The following PC variants were observed in gnomAD, a reference collection of about 807,000 sequenced individuals.
PC encodes the protein pyruvate carboxylase, also known as pyruvate carboxylase, mitochondrial.
Under a neutral mutation model 107.8 loss-of-function variants are expected in PC, and 46 were observed. That is an observed-to-expected ratio of 0.43 (90% CI 0.34 to 0.55). The LOEUF (loss-of-function observed/expected upper bound fraction) is 0.55. PC is among the 20% of genes least tolerant of loss of function. The probability of loss-of-function intolerance (pLI) is 0.04; values close to 1 mark genes in which losing one functional copy is unlikely to be tolerated. For synonymous variants in PC, 662 were observed against 684.7 expected, an observed-to-expected ratio of 0.97 and a Z score of 0.52; for missense variants, 1,241 against 1,643.1, an observed-to-expected ratio of 0.76 and a Z score of 4.23.
At chr11:66,924,391 T>C (rs1948667115) in intron 3 of PC, among the ~76,000 whole-genome samples, 1 of 63,432 alleles carries the variant, frequency 1.6e-5, no homozygotes, top group Admixed American at 1.4e-4. Context: ...AAAAAAAAAT[T>C]AGCTAGGCAT....
Position 66,858,984 on chromosome 11 carries a change from G to A in PC, c.1368+4790C>T. 1 of 1,563,844 alleles carries A rather than the reference G, an allele frequency of 6.4e-7. No individual in the cohort carries two copies. Among genetic ancestry groups the A allele is most frequent in the Non-Finnish European group, 8.7e-7 (1 of 1,151,104 alleles). On this transcript the variant is annotated intron_variant, in intron 12 of 22. Transcript: ENST00000393960. This position sits in a 1 kb window ranked among gnomAD's most constrained non-coding sequence, Gnocchi z 5.9. The stretch of plus-strand genomic sequence containing the variant: ...TGAGCCAGCCGTGCAGGTGACGGAG[G>A]TGACCGCCACCTCAGGGCTGGTGAG...
At chr11:66,924,894 G>C (rs924667773) in intron 3 of PC, among the ~76,000 whole-genome samples, 8 of 152,122 alleles carry the variant, frequency 5.3e-5, no homozygotes, top group Non-Finnish European at 1.0e-4. Flanking sequence ...CTAAGTGTCA[G>C]CCAGTCTGAG....
chr11:66,951,930 G>A (rs1467244501), intron 3 of PC, among the ~76,000 whole-genome samples: 1 of 152,006 alleles, frequency 6.6e-6, no homozygotes, highest in East Asian at 1.9e-4. Flanking sequence ...AGGTGTGGTG[G>A]CACATGCCTG....
chr11:66,888,094 C>T (rs1565263321), intron 3 of PC, among the ~76,000 whole-genome samples: 1 of 152,218 alleles, frequency 6.6e-6, no homozygotes, highest in Non-Finnish European at 1.5e-5. Flanking sequence ...CTTTCCAGGT[C>T]AGAATCCTTC....
Position 66,864,238 on chromosome 11 carries a change from AG to A in PC, c.1186-283del, listed in dbSNP as rs1474832456. 3.3e-5 allele frequency among the ~76,000 whole-genome samples: 5 copies of A among 152,260 alleles called. No homozygotes were observed. In the East Asian group the frequency reaches 9.7e-4, roughly 29 times the overall value. On this transcript the variant is annotated intron_variant, in intron 11 of 22. Transcript: ENST00000393960. ...GGGAATGCCTGCCGCAGAGCGGGAG[AG>A]GGGCCCGGGCAGGCAGGGGCCAGCC...
intron 3 of PC, among the ~76,000 whole-genome samples, chr11:66,877,381 A>G (rs919010702): frequency 1.3e-5 from 2 of 152,084 alleles, no homozygotes; most frequent in Non-Finnish European, 2.9e-5. Flanking sequence ...GCGAGACTCC[A>G]TCTCAAAAAC....
intron 3 of PC, among the ~76,000 whole-genome samples, chr11:66,941,195 A>G (rs1270162396): frequency 6.6e-6 from 1 of 152,150 alleles, no homozygotes; most frequent in Non-Finnish European, 1.5e-5. Flanking sequence ...TCAAAACAAC[A>G]AAGTGTTGGT....
chr11:66,922,164 G>A (rs1196391663), intron 3 of PC, among the ~76,000 whole-genome samples: 1 of 152,120 alleles, frequency 6.6e-6, no homozygotes. Flanking sequence ...AATCTAAACA[G>A]AATAACGACA....
At position 66,870,493 on chromosome 11, in the gene PC, T is replaced by C. The variant is rs761518084; in HGVS notation, c.752-40A>G. ...AAACTGGGCTTAGCTTTTACTGGAA[T>C]CTACACGCCTCCTAAATGCCCCATC... On this transcript the variant is annotated intron_variant, in intron 8 of 22. Transcript: ENST00000393960. This position sits in a 1 kb window ranked among gnomAD's most constrained non-coding sequence, Gnocchi z 6.1. 3 of 1,604,350 alleles carry C rather than the reference T, an allele frequency of 1.9e-6. No homozygotes were observed. The highest frequency in any genetic ancestry group is 2.2e-5 in the South Asian group (2 of 90,898).
intron 3 of PC, among the ~76,000 whole-genome samples, chr11:66,893,771 A>G (rs1947653049): frequency 6.6e-6 from 1 of 151,768 alleles, no homozygotes; most frequent in Non-Finnish European, 1.5e-5. Flanking sequence ...ATTCTATAGC[A>G]GAACTTAGCC....
intron 3 of PC, among the ~76,000 whole-genome samples, chr11:66,894,606 C>T (rs1470835882): frequency 6.6e-6 from 1 of 152,198 alleles, no homozygotes; most frequent in Non-Finnish European, 1.5e-5. Context: ...CTGAGAACAC[C>T]CGGGTTCCCA....
chr11:66,908,777 G>A (rs965332418), intron 3 of PC, among the ~76,000 whole-genome samples: 8 of 152,176 alleles, frequency 5.3e-5, no homozygotes, highest in African/African-American at 1.9e-4. Context: ...AGTGCGCCCT[G>A]ATCCAAGCCA....
rs566372691 is a variant in PC at position 66,852,269 on chromosome 11, C to T, written c.1825+170G>A. 6.6e-6 allele frequency among the ~76,000 whole-genome samples: 1 copy of T among 152,358 alleles called. No individual in the cohort carries two copies. The highest frequency in any genetic ancestry group is 1.9e-4 in the East Asian group (1 of 5,188). On this transcript the variant is annotated intron_variant, in intron 15 of 22. Coordinates refer to ENST00000393960, the MANE Select transcript of PC (RefSeq NM_001040716.2). This position sits in a 1 kb window ranked among gnomAD's most constrained non-coding sequence, Gnocchi z 4.7. The stretch of plus-strand genomic sequence containing the variant: ...GCACCTGGTCTCAGCTCTGCAACCT[C>T]GTGCCGGCACCAGGCCTGGCCGGAG...
At chr11:66,943,677 C>T (rs901036286) in intron 3 of PC, among the ~76,000 whole-genome samples, 35 of 134,048 alleles carry the variant, frequency 2.6e-4, no homozygotes, top group African/African-American at 8.7e-4. Flanking sequence ...GGCATGAACC[C>T]GGGAAGCAGC....
chr11:66,926,329 T>C (rs1565291285), intron 3 of PC, among the ~76,000 whole-genome samples: 1 of 152,218 alleles, frequency 6.6e-6, no homozygotes. Context: ...GAAACAGGAA[T>C]AGCAAGCAAA....
At chr11:66,915,574 A>G (rs1948444504) in intron 3 of PC, among the ~76,000 whole-genome samples, 1 of 152,172 alleles carries the variant, frequency 6.6e-6, no homozygotes. Context: ...CCAGCTGTGG[A>G]CCACTCCGTG....
chr11:66,885,184 A>G (rs550440798), intron 3 of PC, among the ~76,000 whole-genome samples: 1 of 152,340 alleles, frequency 6.6e-6, no homozygotes, highest in South Asian at 2.1e-4. Context: ...CCTAGCACCT[A>G]GGTCAGAATG....
intron 3 of PC, among the ~76,000 whole-genome samples, chr11:66,872,398 G>C (rs1591193119): frequency 6.6e-6 from 1 of 152,050 alleles, no homozygotes; most frequent in Non-Finnish European, 1.5e-5. Context: ...TAGAGACAGG[G>C]TCTCCCTATG....
At chr11:66,957,993 C>G (rs1949609715) in intron 1 of PC, 1 of 152,180 alleles carries the variant, frequency 6.6e-6, no homozygotes, top group African/African-American at 2.4e-5. Flanking sequence ...GTCAGTTTCT[C>G]CATCTGCAAA....
Sources: allele counts gnomAD v4.1 joint callset (sites outside exome capture counted in the v4.1 genomes callset), GRCh38; gene constraint gnomAD v4.1.1; non-coding constraint Gnocchi (gnomAD v3.1); transcripts MANE v1.5; gene names NCBI Gene and HGNC (gene_info 2026-07-23, HGNC 2026-07-21).